Variants in BRAF observed in about 807,000 individuals in gnomAD.
The protein encoded by BRAF is B-Raf proto-oncogene, serine/threonine kinase.
A neutral mutation model predicts 104.6 loss-of-function variants in BRAF; 16 were observed. That is an observed-to-expected ratio of 0.15 (90% CI 0.10 to 0.23). The LOEUF is 0.23. BRAF is among the 10% of genes least tolerant of loss of function. The pLI, the probability that BRAF is intolerant of heterozygous loss-of-function variation, is 1.00. For synonymous variants in BRAF, 310 were observed against 341.6 expected, an observed-to-expected ratio of 0.91 and a Z score of 1.02; for missense variants, 541 against 937.3, an observed-to-expected ratio of 0.58 and a Z score of 5.52.
At chr7:140,913,314 C>G (rs922408294) in intron 1 of BRAF, among the ~76,000 whole-genome samples, 5 of 152,084 alleles carry the variant, frequency 3.3e-5, no homozygotes, top group South Asian at 2.1e-4. Context: ...GTTTTGTTTT[C>G]AAGTGTACTA....
At chr7:140,818,425 G>A (rs1028083200) in intron 3 of BRAF, among the ~76,000 whole-genome samples, 2 of 151,070 alleles carry the variant, frequency 1.3e-5, no homozygotes, top group African/African-American at 4.9e-5. Context: ...CAATTCTCCC[G>A]CCTCAGCCTC....
intron 5 of BRAF, among the ~76,000 whole-genome samples, chr7:140,807,217 T>C (rs1025866798): frequency 4.6e-5 from 7 of 152,174 alleles, no homozygotes; most frequent in African/African-American, 7.2e-5. Context: ...GAGAGTTTAA[T>C]ATCCAGCCAT....
intron 16 of BRAF, among the ~76,000 whole-genome samples, chr7:140,750,811 A>C (rs1218856317): frequency 2.0e-5 from 3 of 152,086 alleles, no homozygotes; most frequent in Non-Finnish European, 2.9e-5. Flanking sequence ...ATTTAGTTTT[A>C]TCTCACACTG....
At chr7:140,892,349 G>A (rs1814334140) in intron 1 of BRAF, among the ~76,000 whole-genome samples, 1 of 152,122 alleles carries the variant, frequency 6.6e-6, no homozygotes, top group African/African-American at 2.4e-5. Context: ...ATCCCAAAAG[G>A]GGAGCTATAT....
At chr7:140,891,330 C>T (rs1814193879) in intron 1 of BRAF, among the ~76,000 whole-genome samples, 1 of 152,136 alleles carries the variant, frequency 6.6e-6, no homozygotes. Flanking sequence ...GGACTCTACC[C>T]TACAACACCA....
At chr7:140,728,684 T>C (rs1795753186) in intron 19 of BRAF, among the ~76,000 whole-genome samples, 1 of 152,142 alleles carries the variant, frequency 6.6e-6, no homozygotes, top group South Asian at 2.1e-4. Context: ...ACAGTTTGAG[T>C]ACTTATAATT....
chr7:140,740,026 A>G (rs1796777822), intron 17 of BRAF, 80 bp from the exon 17 acceptor site: 1 of 1,440,606 alleles, frequency 6.9e-7, no homozygotes, highest in Non-Finnish European at 9.6e-7. Flanking sequence ...TGAAAACACA[A>G]TAAGCTGTAC....
chr7:140,786,573 T>A (rs899213794), intron 9 of BRAF, among the ~76,000 whole-genome samples: 3 of 152,206 alleles, frequency 2.0e-5, no homozygotes, highest in Non-Finnish European at 4.4e-5. Flanking sequence ...TCTTATGTGC[T>A]AGAGTGAATA....
At chr7:140,895,106 C>A (rs1330854542) in intron 1 of BRAF, among the ~76,000 whole-genome samples, 1 of 152,004 alleles carries the variant, frequency 6.6e-6, no homozygotes, top group Non-Finnish European at 1.5e-5. Flanking sequence ...CCTAATTCAA[C>A]AATCAATTAA....
At chr7:140,871,443 C>T (rs1441683956) in intron 1 of BRAF, among the ~76,000 whole-genome samples, 1 of 152,114 alleles carries the variant, frequency 6.6e-6, no homozygotes, top group Non-Finnish European at 1.5e-5. Context: ...TACCCATATT[C>T]TCTAAAGCAA....
chr7:140,912,075 C>T (rs946313153), intron 1 of BRAF, among the ~76,000 whole-genome samples: 1 of 152,166 alleles, frequency 6.6e-6, no homozygotes, highest in Non-Finnish European at 1.5e-5. Context: ...ATCACTTGAG[C>T]CCAGGAGTTG....
In BRAF at chr7:140,724,637, A is replaced by C; in HGVS notation, c.*1857T>G. 2 of 1,036,272 alleles carry C rather than the reference A, an allele frequency of 1.9e-6. No homozygotes were observed. The highest frequency in any genetic ancestry group is 2.3e-6 in the Non-Finnish European group (2 of 860,742). 64.2% of individuals were successfully genotyped at this position (1,036,272 alleles called of 1,614,324 possible). Reference sequence around the variant, plus strand: ...CTTCTGAATACATGTATGTTAGCAAAAATCTAATGGTAGTGAGCTTTTAGT... The same window carrying C: ...CTTCTGAATACATGTATGTTAGCAACAATCTAATGGTAGTGAGCTTTTAGT... On this transcript the variant is annotated 3_prime_UTR_variant, in exon 20 of 20. Coordinates refer to ENST00000644969, the MANE Select transcript of BRAF (RefSeq NM_001374258.1).
At chr7:140,889,112 T>G (rs1183090037) in intron 1 of BRAF, among the ~76,000 whole-genome samples, 1 of 152,258 alleles carries the variant, frequency 6.6e-6, no homozygotes, top group Non-Finnish European at 1.5e-5. Context: ...AAGAATTACA[T>G]CCATTTCAAA....
intron 18 of BRAF, among the ~76,000 whole-genome samples, chr7:140,736,874 AACC>A (rs907655179): frequency 6.6e-6 from 1 of 151,660 alleles, no homozygotes; most frequent in Non-Finnish European, 1.5e-5. Context: ...CTATCTCTAC[AACC>A]ACCACCACCA....
chr7:140,731,075 G>A (rs928604461), intron 19 of BRAF: 17 of 152,150 alleles, frequency 1.1e-4, no homozygotes, highest in African/African-American at 4.1e-4. Flanking sequence ...GGAGTGCAGT[G>A]GCATGATGAA....
At chr7:140,774,166 A>G (rs951579861) in intron 14 of BRAF, among the ~76,000 whole-genome samples, 13 of 152,186 alleles carry the variant, frequency 8.5e-5, no homozygotes, top group African/African-American at 3.1e-4. Context: ...TAAAAAGTAT[A>G]CTCTGCTGGA....
chr7:140,878,205 G>A (rs1812480180), intron 1 of BRAF, among the ~76,000 whole-genome samples: 1 of 151,834 alleles, frequency 6.6e-6, no homozygotes, highest in South Asian at 2.1e-4. Context: ...TACAGCAAAA[G>A]CAATGCTCAA....
chr7:140,725,474 AAATAG>A lies in BRAF; in HGVS notation c.*1015_*1019del, dbSNP rs1028365872. 78 of 940,802 alleles carry A rather than the reference AAATAG, an allele frequency of 8.3e-5. 1 individual carries two copies. In the African/African-American group the frequency reaches 1.1e-3, roughly 14 times the overall value. The allele number at this position is 940,802 out of a possible 1,614,324, so 58.3% of individuals were successfully genotyped here. A position where few individuals can be genotyped will look rare whatever the true frequency, so the allele number is the denominator to read the frequency against. ...CTGAAAATTATTTTCTTTTTAATAA[AAATAG>A]AAAAGAAGAAACTCAGAAATTAAAA... On this transcript the variant is annotated 3_prime_UTR_variant, in exon 20 of 20. Transcript: ENST00000644969.
the BRAF span, among the ~76,000 whole-genome samples, chr7:140,713,603 C>G: frequency 6.6e-6 from 1 of 152,216 alleles, no homozygotes; most frequent in South Asian, 2.1e-4. Context: ...AGCCTTCTCT[C>G]AACTTGTCAA....
Sources: gnomAD v4.1 joint callset for allele counts (sites outside exome capture counted in the v4.1 genomes callset) on GRCh38, gnomAD v4.1.1 for gene constraint, MANE v1.5 for transcripts, NCBI Gene and HGNC (gene_info 2026-07-23, HGNC 2026-07-21) for gene names.